The following NTMT1 variants were observed in gnomAD, a reference collection of about 807,000 sequenced individuals.
NTMT1 encodes the protein N-terminal RCC1 methyltransferase.
NTMT1 carries 8 observed loss-of-function variants against 17.5 expected under a neutral mutation model. That is an observed-to-expected ratio of 0.46 (90% CI 0.27 to 0.82). The LOEUF (loss-of-function observed/expected upper bound fraction) is 0.82. NTMT1 is among the 40% of genes least tolerant of loss of function. The probability of loss-of-function intolerance (pLI) is 0.15; values close to 1 mark genes in which losing one functional copy is unlikely to be tolerated. For synonymous variants in NTMT1, 128 were observed against 126.8 expected (o/e 1.01, Z -0.06); for missense variants, 221 against 303.5 (o/e 0.73, Z 2.02).
rs755502616 is a variant in NTMT1, at chr9:129,615,485, T to TGAGCGTCTGCGC, written c.-55+6308_-55+6319dup. The TGAGCGTCTGCGC allele has an allele frequency of 3.1e-6, 5 of 1,589,284 alleles. No individual in the cohort carries two copies. In the African/African-American group the frequency reaches 6.8e-5, roughly 21 times the overall value. ...AGGCTCCCCATCCTGTCTGCTTACC[T>TGAGCGTCTGCGC]GAGCGTCTGCGCTCCCAGTAGCGGA... On this transcript the variant is annotated intron_variant, in intron 1 of 3. Coordinates refer to the NTMT1 transcript ENST00000372486.
At chr9:129,611,992 C>A (rs2118846075) in intron 1 of NTMT1, among the ~76,000 whole-genome samples, 1 of 152,138 alleles carries the variant, frequency 6.6e-6, no homozygotes, top group African/African-American at 2.4e-5. Flanking sequence ...TCAAGCCATC[C>A]TCCCACCTCA....
chr9:129,612,284 G>T, intron 1 of NTMT1: 1 of 1,395,072 alleles, frequency 7.2e-7, no homozygotes, highest in Non-Finnish European at 1.0e-6. Flanking sequence ...TATTTGTGGG[G>T]CAAGGAAGGA....
chr9:129,610,222 GAAA>G (rs1830079914), intron 1 of NTMT1, among the ~76,000 whole-genome samples: 4 of 45,434 alleles, frequency 8.8e-5, no homozygotes, highest in African/African-American at 2.7e-4. Flanking sequence ...AGGGGGAGGG[GAAA>G]GGGGGAGGGA....
chr9:129,618,474 A>G (rs1448633573), intron 1 of NTMT1, among the ~76,000 whole-genome samples: 1 of 152,122 alleles, frequency 6.6e-6, no homozygotes, highest in Non-Finnish European at 1.5e-5. Flanking sequence ...GGGTCTGAAT[A>G]GAACTGAACT....
intron 1 of NTMT1, among the ~76,000 whole-genome samples, chr9:129,617,003 G>C (rs1830422101): frequency 1.3e-5 from 2 of 152,068 alleles, no homozygotes; most frequent in African/African-American, 2.4e-5. Context: ...GGAGGTAGAG[G>C]TTGCAGTGAG....
chr9:129,613,597 A>G lies in NTMT1; in HGVS notation c.-55+4419A>G, dbSNP rs781077632. ...CTGGTTCACAATGACGCTCTGTTGG[A>G]CTGCAGGAAAGAGGGCAGGGTGAGA... On this transcript the variant is annotated intron_variant, in intron 1 of 3. Coordinates refer to the NTMT1 transcript ENST00000372486. The surrounding 1 kb of genome is among the most constrained non-coding windows in gnomAD (Gnocchi z 6.2). The G allele has an allele frequency of 1.4e-5, 22 of 1,613,880 alleles. No homozygotes were observed. The South Asian group carries it at 2.1e-4, about 15-fold the overall frequency.
intron 3 of NTMT1, 27 bp from the exon 4 acceptor site, chr9:129,635,181 T>G (rs1174990851): frequency 2.5e-6 from 4 of 1,594,962 alleles, no homozygotes; most frequent in Non-Finnish European, 3.4e-6. Flanking sequence ...CATGGTGCCC[T>G]GGTAACCTTG....
At chr9:129,624,848 A>G (rs1830842993), upstream of NTMT1, among the ~76,000 whole-genome samples, 1 of 152,194 alleles carries the variant, frequency 6.6e-6, no homozygotes, top group Non-Finnish European at 1.5e-5. Flanking sequence ...GGCTGGTCTC[A>G]AATTCCTGAC....
rs1348425806 is a variant in NTMT1 at position 129,632,654 on chromosome 9, G to A, written c.-50G>A. The A allele has an allele frequency of 1.2e-6, 2 of 1,605,432 alleles. No homozygotes were observed. The highest frequency in any genetic ancestry group is 1.7e-5 in the Admixed American group (1 of 59,732). The stretch of plus-strand genomic sequence containing the variant: ...CACGCCCCCTTCCTTACCCAGGAGA[G>A]TCGCGGTTGCTGATCGTGGTGCTTG... On this transcript the variant is annotated 5_prime_UTR_variant, in exon 2 of 4. Transcript: ENST00000372483.
intron 1 of NTMT1, among the ~76,000 whole-genome samples, chr9:129,615,989 C>T (rs959477224): frequency 3.9e-5 from 6 of 152,184 alleles, no homozygotes; most frequent in Non-Finnish European, 8.8e-5. Context: ...AGAGCTGGCG[C>T]CCTCGCACGT....
chr9:129,629,245 ACCTGGT>A (rs1831029612), intron 1 of NTMT1, among the ~76,000 whole-genome samples: 1 of 152,086 alleles, frequency 6.6e-6, no homozygotes, highest in African/African-American at 2.4e-5. Context: ...AGCCCACCTA[ACCTGGT>A]CCTTACGCCA....
chr9:129,618,850 G>C (rs577673313), intron 1 of NTMT1, among the ~76,000 whole-genome samples: 2 of 146,146 alleles, frequency 1.4e-5, no homozygotes, highest in African/African-American at 5.1e-5. Context: ...CCGCCACCAC[G>C]CCCGGCTAAT....
chr9:129,614,090 G>A lies in NTMT1; in HGVS notation c.-55+4912G>A, dbSNP rs917191966. 3.3e-5 allele frequency among the ~76,000 whole-genome samples: 5 copies of A among 152,224 alleles called. No individual in the cohort carries two copies. Among genetic ancestry groups the A allele is most frequent in the African/African-American group, 1.2e-4 (5 of 41,454 alleles). On this transcript the variant is annotated intron_variant, in intron 1 of 3. Coordinates refer to the NTMT1 transcript ENST00000372486. This position sits in a 1 kb window ranked among gnomAD's most constrained non-coding sequence, Gnocchi z 4.4. The stretch of plus-strand genomic sequence containing the variant: ...CCCTGCTGCCCGGGACACCATGATA[G>A]CTCCTTATGGCCAGTGGCTGACACG...
upstream of NTMT1, among the ~76,000 whole-genome samples, chr9:129,621,977 C>T (rs114560391): frequency 0.015 from 2,220 of 152,342 alleles, 62 homozygotes; most frequent in African/African-American, 0.049. Flanking sequence ...GTGATCCGCC[C>T]CTCACCCCTG....
chr9:129,620,253 C>G lies in NTMT1; in HGVS notation c.-55+11075C>G. The G allele has an allele frequency of 7.5e-7, 1 of 1,338,276 alleles. No homozygotes were observed. Among genetic ancestry groups the G allele is most frequent in the Non-Finnish European group, 9.6e-7 (1 of 1,039,080 alleles). The allele number at this position is 1,338,276 out of a possible 1,614,324, so 82.9% of individuals were successfully genotyped here. A position where few individuals can be genotyped will look rare whatever the true frequency, so the allele number is the denominator to read the frequency against. The stretch of plus-strand genomic sequence containing the variant: ...GGCGCCGATTCCCGGGACGCGCCGG[C>G]CGACAGCAGGGGAGGCGGCAGCAGG... On this transcript the variant is annotated intron_variant, in intron 1 of 3. Transcript: ENST00000372486. The surrounding 1 kb of genome is among the most constrained non-coding windows in gnomAD (Gnocchi z 5.8).
At position 129,613,286 on chromosome 9, in the gene NTMT1, T is replaced by C; in HGVS notation, c.-55+4108T>C. ...ACAGGACCCCATGAGCTTCCTGGAC[T>C]CTGAGTCCCCGGCCCACCCATGGCT... On this transcript the variant is annotated intron_variant, in intron 1 of 3. Coordinates refer to the NTMT1 transcript ENST00000372486. The surrounding 1 kb of genome is among the most constrained non-coding windows in gnomAD (Gnocchi z 6.2). 6.3e-7 allele frequency: 1 copy of C among 1,577,316 alleles called. No homozygotes were observed. Among genetic ancestry groups the C allele is most frequent in the East Asian group, 2.3e-5 (1 of 44,388 alleles).
At position 129,613,045 on chromosome 9, in the gene NTMT1, G is replaced by A. The variant is rs41276770; in HGVS notation, c.-55+3867G>A. ...CACTCCACCAAACAGGGCTGCTCCC[G>A]GAGCCAGCTGCCAGCAGGGGCTCAC... On this transcript the variant is annotated intron_variant, in intron 1 of 3. Coordinates refer to the NTMT1 transcript ENST00000372486. The surrounding 1 kb of genome is among the most constrained non-coding windows in gnomAD (Gnocchi z 6.2). 3,648 of 1,601,374 alleles carry A rather than the reference G, an allele frequency of 2.3e-3. 6 individuals carry two copies. Among genetic ancestry groups the A allele is most frequent in the Middle Eastern group, 8.2e-3 (44 of 5,388 alleles).
At chr9:129,618,509 A>G (rs1830501804) in intron 1 of NTMT1, among the ~76,000 whole-genome samples, 1 of 152,036 alleles carries the variant, frequency 6.6e-6, no homozygotes, top group Admixed American at 6.6e-5. Context: ...AGATGGACAG[A>G]TGCGTGGCTG....
At position 129,613,460 on chromosome 9, in the gene NTMT1, A is replaced by G. The variant is rs41276772; in HGVS notation, c.-55+4282A>G. 3.2e-3 allele frequency: 5,219 copies of G among 1,613,968 alleles called. 99 individuals carry two copies. The African/African-American group carries it at 0.043, about 13-fold the overall frequency. ...AGGCCAGCGCAGTCCCAACACGAGG[A>G]GCTGGCCAGGGTCTCCTCCTTGGCC... On this transcript the variant is annotated intron_variant, in intron 1 of 3. Transcript: ENST00000372486. The surrounding 1 kb of genome is among the most constrained non-coding windows in gnomAD (Gnocchi z 6.2).
Sources: allele counts gnomAD v4.1 joint callset (sites outside exome capture counted in the v4.1 genomes callset), GRCh38; gene constraint gnomAD v4.1.1; non-coding constraint Gnocchi (gnomAD v3.1); transcripts MANE v1.5; gene names NCBI Gene and HGNC (gene_info 2026-07-23, HGNC 2026-07-21).